TSNAX: variants seen among roughly 807,000 people sequenced by gnomAD.
TSNAX encodes translin-associated protein X.
TSNAX carries 12 observed loss-of-function variants against 33.0 expected under a neutral mutation model. That is an observed-to-expected ratio of 0.36 (90% confidence interval 0.23 to 0.59). The LOEUF is 0.59. Ranked by LOEUF, TSNAX falls within the 20% of genes least tolerant of loss-of-function variation. TSNAX has a pLI of 0.74. For missense variants in TSNAX, 267 were observed against 341.3 expected (o/e 0.78, Z 1.72); for synonymous variants, 110 against 117.2 (o/e 0.94, Z 0.40).
At chr1:231,532,733 A>G (rs1392201747) in intron 2 of TSNAX, among the ~76,000 whole-genome samples, 2 of 152,132 alleles carry the variant, frequency 1.3e-5, no homozygotes, top group Admixed American at 1.3e-4. Flanking sequence ...CAGTATTCCC[A>G]TTGTGAGACT....
At chr1:231,562,600 A>G (rs1388109160) in intron 5 of TSNAX, among the ~76,000 whole-genome samples, 2 of 152,316 alleles carry the variant, frequency 1.3e-5, no homozygotes, top group South Asian at 4.1e-4. Flanking sequence ...ATCAAAATGA[A>G]AATATTGGGG....
rs1328601560 is a variant in TSNAX at position 231,555,223 on chromosome 1, G to C, written c.368-5905G>C. 3.3e-5 allele frequency among the ~76,000 whole-genome samples: 5 copies of C among 152,198 alleles called. No individual in the cohort carries two copies. In the East Asian group the frequency reaches 9.6e-4, roughly 29 times the overall value. On this transcript the variant is annotated intron_variant, in intron 4 of 5. Transcript: ENST00000366639. ...TATGCATACAATAGAATATTATTCA[G>C]CCTTAAACAGGAAATTCTGACATAT...
At chr1:231,558,485 C>T (rs1196856040) in intron 4 of TSNAX, among the ~76,000 whole-genome samples, 1 of 152,196 alleles carries the variant, frequency 6.6e-6, no homozygotes, top group African/African-American at 2.4e-5. Flanking sequence ...CAAAAATTGA[C>T]AAGTGATACA....
Position 231,537,328 on chromosome 1 carries a change from G to A in TSNAX, c.236+1G>A. ...TTTTTCTCCTCCATAGGATTACAAG[G>A]TGAGTAAGCATCTTTAGAATTTATT... On this transcript the variant is annotated splice_donor_variant, in intron 3 of 5. Coordinates refer to ENST00000366639, the MANE Select transcript of TSNAX (RefSeq NM_005999.3). LOFTEE classifies it high-confidence loss of function. 6.4e-7 allele frequency: 1 copy of A among 1,572,422 alleles called. No homozygotes were observed.
chr1:231,560,418 C>CTT (rs1211906310), intron 4 of TSNAX, among the ~76,000 whole-genome samples: 1 of 73,122 alleles, frequency 1.4e-5, no homozygotes, highest in Non-Finnish European at 2.6e-5. Context: ...CCCCCCCCCC[C>CTT]TTTTTTTTTT....
At position 231,566,021 on chromosome 1, in the gene TSNAX, AT is replaced by A; in HGVS notation, c.*1117del. The A allele has an allele frequency of 6.6e-6, 1 of 152,218 alleles. No homozygotes were observed. Among genetic ancestry groups the A allele is most frequent in the African/African-American group, 2.4e-5 (1 of 41,558 alleles). 9.4% of individuals were successfully genotyped at this position (152,218 alleles called of 1,614,324 possible). ...TTATTTAGCAATTTTTGTTTTTGTT[AT>A]ATTAGGCATGTTTGGAGGCTTTCCT... is the stretch of plus-strand genomic sequence containing the variant. On this transcript the variant is annotated 3_prime_UTR_variant, in exon 6 of 6. Coordinates refer to ENST00000366639, the MANE Select transcript of TSNAX (RefSeq NM_005999.3).
intron 4 of TSNAX, among the ~76,000 whole-genome samples, chr1:231,543,794 CA>C (rs1659728860): frequency 6.6e-6 from 1 of 151,980 alleles, no homozygotes. Flanking sequence ...AACATATTAC[CA>C]AATGAAATAC....
rs1658423585 is a variant in TSNAX, at chr1:231,528,679, C to T, written c.-132C>T. On this transcript the variant is annotated 5_prime_UTR_variant, in exon 1 of 6. Coordinates refer to ENST00000366639, the MANE Select transcript of TSNAX (RefSeq NM_005999.3). Reference sequence around the variant, plus strand: ...CGTGAGAGGAGACTTCCGGCCACTGCGTTGTAGTCGGCCCGGCTGCAAAGC... The same window carrying T: ...CGTGAGAGGAGACTTCCGGCCACTGTGTTGTAGTCGGCCCGGCTGCAAAGC... 3.0e-6 allele frequency: 3 copies of T among 1,009,784 alleles called. No homozygotes were observed. Among genetic ancestry groups the T allele is most frequent in the Non-Finnish European group, 4.6e-6 (3 of 657,900 alleles). 62.6% of individuals were successfully genotyped at this position (1,009,784 alleles called of 1,614,324 possible). A position where few individuals can be genotyped will look rare whatever the true frequency, so the allele number is the denominator to read the frequency against.
intron 4 of TSNAX, among the ~76,000 whole-genome samples, chr1:231,557,887 G>A (rs58023309): frequency 0.016 from 2,385 of 152,176 alleles, 76 homozygotes; most frequent in African/African-American, 0.055. Flanking sequence ...AAATTAGATG[G>A]TAATATGAAC....
At chr1:231,545,148 T>G (rs2124910300) in intron 4 of TSNAX, among the ~76,000 whole-genome samples, 1 of 152,332 alleles carries the variant, frequency 6.6e-6, no homozygotes. Flanking sequence ...GACAGATATT[T>G]TATTTGATAA....
chr1:231,533,584 G>T (rs1572100129), intron 2 of TSNAX, among the ~76,000 whole-genome samples: 1 of 152,178 alleles, frequency 6.6e-6, no homozygotes, highest in East Asian at 1.9e-4. Context: ...TCTGAGTAAA[G>T]AAATACTGTC....
intron 3 of TSNAX, among the ~76,000 whole-genome samples, chr1:231,539,321 G>T (rs1028298829): frequency 1.3e-5 from 2 of 152,118 alleles, no homozygotes; most frequent in Admixed American, 6.5e-5. Flanking sequence ...CTAAATGCTT[G>T]GGACTGGAAG....
intron 4 of TSNAX, among the ~76,000 whole-genome samples, 157 bp from the exon 5 acceptor site, chr1:231,560,971 C>G (rs139354299): frequency 3.3e-5 from 5 of 152,294 alleles, no homozygotes; most frequent in African/African-American, 1.2e-4. Context: ...CCAGGCCATT[C>G]TTTCTATTCT....
At chr1:231,557,112 G>A (rs1270153120) in intron 4 of TSNAX, among the ~76,000 whole-genome samples, 1 of 152,024 alleles carries the variant, frequency 6.6e-6, no homozygotes, top group Admixed American at 6.5e-5. Flanking sequence ...AAGGAAGGTA[G>A]TGAGTTCATT....
chr1:231,560,394 G>T (rs929587246), intron 4 of TSNAX, among the ~76,000 whole-genome samples: 2 of 135,848 alleles, frequency 1.5e-5, no homozygotes, highest in Admixed American at 1.5e-4. Context: ...TATGGAATAG[G>T]CTTTTCTTTT....
intron 1 of TSNAX, 40 bp downstream of exon 1, chr1:231,528,866 G>A (rs757398850): frequency 1.9e-6 from 3 of 1,613,334 alleles, no homozygotes; most frequent in African/African-American, 1.3e-5. Flanking sequence ...TTATCCGGAG[G>A]GGGAGGTTCT....
At position 231,565,018 on chromosome 1, in the gene TSNAX, C is replaced by A; in HGVS notation, c.*113C>A. On this transcript the variant is annotated 3_prime_UTR_variant, in exon 6 of 6. Transcript: ENST00000366639. ...TGTGGCTTTTACATAGAAACATATT[C>A]AGTTGTACTTGTTTTAAATTGTATA... 3 of 1,271,728 alleles carry A rather than the reference C, an allele frequency of 2.4e-6. No individual in the cohort carries two copies. The highest frequency in any genetic ancestry group is 3.2e-6 in the Non-Finnish European group (3 of 933,636). 78.8% of individuals were successfully genotyped at this position (1,271,728 alleles called of 1,614,324 possible).
At chr1:231,547,386 TTTC>T (rs1469421966) in intron 4 of TSNAX, among the ~76,000 whole-genome samples, 1 of 143,254 alleles carries the variant, frequency 7.0e-6, no homozygotes, top group African/African-American at 2.6e-5. Context: ...TTCTTTTTTT[TTTC>T]TTTTTTTTTT....
In TSNAX at chr1:231,537,461, C is replaced by T. The variant is rs554639153; in HGVS notation, c.236+134C>T. The T allele has an allele frequency of 6.6e-5, 37 of 557,026 alleles. No homozygotes were observed. In the African/African-American group the frequency reaches 6.8e-4, roughly 10 times the overall value. The allele number at this position is 557,026 out of a possible 1,614,324, so 34.5% of individuals were successfully genotyped here. ...ATATTTTAATAAAAATAGGTCTCAG[C>T]TGGGTGTGGTGGCGCATGCCTGTAA... On this transcript the variant is annotated intron_variant, in intron 3 of 5. Coordinates refer to ENST00000366639, the MANE Select transcript of TSNAX (RefSeq NM_005999.3).
Sources: allele counts gnomAD v4.1 joint callset (sites outside exome capture counted in the v4.1 genomes callset), GRCh38; gene constraint gnomAD v4.1.1; transcripts MANE v1.5; gene names NCBI Gene and HGNC (gene_info 2026-07-23, HGNC 2026-07-21).